Variants in RECQL4 observed in about 807,000 individuals in gnomAD.
The protein encoded by RECQL4 is ATP-dependent DNA helicase Q4.
In RECQL4, 158 loss-of-function variants were observed where a neutral mutation model predicts 128.6. The observed-to-expected ratio is 1.23, with a 90% CI of 1.08 to 1.40. The LOEUF (loss-of-function observed/expected upper bound fraction) is 1.40. RECQL4 is among the 40% of genes most tolerant of loss of function. The pLI is 0.00. For missense variants in RECQL4, 2,293 were observed against 1,649.8 expected, an observed-to-expected ratio of 1.39 and a Z score of -6.75; for synonymous variants, 996 against 678.9, an observed-to-expected ratio of 1.47 and a Z score of -7.26.
At position 144,511,753 on chromosome 8, in the gene RECQL4, G is replaced by A. The variant is rs202134651; in HGVS notation, c.3430C>T (p.Arg1144Cys). The stretch of plus-strand genomic sequence containing the variant: ...TCTGGCCTCAGGGACAGGAACTGGC[G>A]GATGTCGCAGCGGACCTGGTCCTCC... ...DWEDQVRCDI[R>C]QFLSLRPEEK... Residue 1144 changes from arginine (R) to cysteine (C), a missense_variant, in exon 20 of 21, where the codon CGC becomes TGC. Physicochemically the swap from Arg to Cys is radical, Grantham distance 180 (BLOSUM62 -3). Transcript: ENST00000617875. 271 of 1,612,468 alleles carry A rather than the reference G, an allele frequency of 1.7e-4. 1 individual carries two copies. Among genetic ancestry groups the A allele is most frequent in the Non-Finnish European group, 1.9e-4 (223 of 1,179,840 alleles).
intron 7 of RECQL4, 39 bp from the exon 8 acceptor site, chr8:144,515,281 C>T (rs756566987): frequency 6.2e-7 from 1 of 1,610,012 alleles, no homozygotes; most frequent in Non-Finnish European, 8.5e-7. Context: ...CTTGAGTCAC[C>T]CCAACCCCTC....
rs376242705 is a variant in RECQL4 at position 144,515,083 on chromosome 8, C to T, written c.1484-11G>A. The T allele has an allele frequency of 2.5e-5, 40 of 1,599,672 alleles. No homozygotes were observed. The highest frequency in any genetic ancestry group is 1.7e-4 in the Middle Eastern group (1 of 6,008). On this transcript the variant is annotated splice_polypyrimidine_tract_variant and intron_variant, in intron 8 of 20. Coordinates refer to ENST00000617875, the MANE Select transcript of RECQL4 (RefSeq NM_004260.4). ...GCAGCGTGGAGATGCCTGGATGGGG[C>T]GGGAGTCAGCAGCAGGGTTCTGCAG...
chr8:144,515,046 T>C lies in RECQL4; in HGVS notation c.1510A>G (p.Thr504Ala), dbSNP rs2130704188. 2 of 1,609,626 alleles carry C rather than the reference T, an allele frequency of 1.2e-6. No homozygotes were observed. Among genetic ancestry groups the C allele is most frequent in the East Asian group, 2.2e-5 (1 of 44,774 alleles). ...TAGCACAGGGACTTGCCGGCACCTG[T>C]AGGCAGCACCAGCAGCGTGGAGATG... ...SGISTLLVLP[T>A]GAGKSLCYQL... is the part of the protein sequence containing the mutation. Residue 504 changes from threonine (T) to alanine (A), a missense_variant, in exon 9 of 21, where the codon ACA becomes GCA. By Grantham distance (58) the Thr-to-Ala change is moderately conservative. Coordinates refer to ENST00000617875, the MANE Select transcript of RECQL4 (RefSeq NM_004260.4).
rs754822264 is a variant in RECQL4 at position 144,511,440 on chromosome 8, C to T, written c.3618G>A (p.Val1206=). 3 of 1,612,310 alleles carry T rather than the reference C, an allele frequency of 1.9e-6. No homozygotes were observed. Among genetic ancestry groups the T allele is most frequent in the Non-Finnish European group, 2.5e-6 (3 of 1,179,660 alleles). The change falls in exon 21 of 21, where the codon GTG becomes GTA. Residue 1206 remains valine, a synonymous_variant. Coordinates refer to ENST00000617875, the MANE Select transcript of RECQL4 (RefSeq NM_004260.4). ...CCCCAATGCAGTGCAGTCAGCGGGCCACCTGCAGGAGCTCTTCCGTGGCCA... is the reference window on the plus strand; with the variant it reads ...CCCCAATGCAGTGCAGTCAGCGGGCTACCTGCAGGAGCTCTTCCGTGGCCA... ...VGLATEELLQ[V]AR
At chr8:144,516,994 C>A in intron 4 of RECQL4, 56 bp downstream of exon 4, 1 of 1,566,752 alleles carries the variant, frequency 6.4e-7, no homozygotes, top group African/African-American at 1.4e-5. Flanking sequence ...AGAGGGCGAC[C>A]CGGACCGGAA....
intron 8 of RECQL4, 37 bp from the exon 9 acceptor site, chr8:144,515,109 C>A (rs757031573): frequency 9.5e-6 from 15 of 1,583,546 alleles, no homozygotes; most frequent in Non-Finnish European, 1.3e-5. Context: ...GGTTCTGCAG[C>A]CTGGCCTCAG....
rs1484366007 is a variant in RECQL4 at position 144,513,978 on chromosome 8, C to T, written c.2008G>A (p.Val670Ile). 1.2e-5 allele frequency: 18 copies of T among 1,564,600 alleles called. No homozygotes were observed. Among genetic ancestry groups the T allele is most frequent in the Admixed American group, 1.9e-5 (1 of 53,460 alleles). ...EEPDLHGPAP[V>I]PTNLHLSVSM... is the part of the protein sequence containing the mutation. ...ACGGAAAGGTGCAGGTTGGTGGGAA[C>T]TGGGGCTGGCCCGTGGAGGTCAGGC... Residue 670 changes from valine (V) to isoleucine (I), a missense_variant, in exon 12 of 21, where the codon GTT becomes ATT. By Grantham distance (29) the Val-to-Ile change is conservative. Coordinates refer to ENST00000617875, the MANE Select transcript of RECQL4 (RefSeq NM_004260.4).
In RECQL4 at chr8:144,513,082, C is replaced by T; in HGVS notation, c.2520G>A (p.Leu840=). 1.3e-6 allele frequency: 2 copies of T among 1,577,270 alleles called. No homozygotes were observed. The highest frequency in any genetic ancestry group is 8.6e-7 in the Non-Finnish European group (1 of 1,159,616). The part of the protein sequence containing the change: ...RHVHADSTDF[L]AVKRLVQRVF... ...CGCGCTGTACCAGCCTCTTCACAGC[C>T]AGGAAGTCCGTGCTGTCGGCGTGCA... Residue 840 remains leucine, a synonymous_variant, in exon 15 of 21, where the codon CTG becomes CTA. Coordinates refer to ENST00000617875, the MANE Select transcript of RECQL4 (RefSeq NM_004260.4).
chr8:144,511,322 T>C lies in RECQL4; in HGVS notation c.*109A>G. On this transcript the variant is annotated 3_prime_UTR_variant, in exon 21 of 21. Coordinates refer to ENST00000617875, the MANE Select transcript of RECQL4 (RefSeq NM_004260.4). The stretch of plus-strand genomic sequence containing the variant: ...AGTGAGCATTTTTTATTCTGCATTT[T>C]GGAGCCTCCTCGTTCCCACACCCTG... 2 of 1,560,222 alleles carry C rather than the reference T, an allele frequency of 1.3e-6. No homozygotes were observed. Among genetic ancestry groups the C allele is most frequent in the East Asian group, 2.3e-5 (1 of 44,188 alleles).
Position 144,511,900 on chromosome 8 carries a change from A to C in RECQL4, c.3393+11T>G. The C allele has an allele frequency of 6.2e-7, 1 of 1,610,458 alleles. No individual in the cohort carries two copies. Among genetic ancestry groups the C allele is most frequent in the Non-Finnish European group, 8.5e-7 (1 of 1,179,600 alleles). On this transcript the variant is annotated intron_variant, in intron 19 of 20. Transcript: ENST00000617875. ...CAACCCCGATGAGCTGCCTGGCCTT[A>C]CTGCACTCACTCTGGCCTGCCCTGG...
chr8:144,514,816 C>A, intron 9 of RECQL4, 120 bp downstream of exon 9: 1 of 1,286,212 alleles, frequency 7.8e-7, no homozygotes, highest in Non-Finnish European at 1.1e-6. Context: ...GGACTGAGGC[C>A]ACAGACACCT....
In RECQL4 at chr8:144,515,997, G is replaced by A. The variant is rs1169953082; in HGVS notation, c.1122C>T (p.Leu374=). ...CCCGTCGCTGTCTTACCTGCTTGCG[G>A]AGGAGCCTGCTACGGAGTGCCCGGC... ...VRGRALRSRL[L]RKQAWKQKWR... is the part of the protein sequence containing the mutation. Residue 374 remains leucine, a synonymous_variant, in exon 5 of 21, where the codon CTC becomes CTT. Coordinates refer to ENST00000617875, the MANE Select transcript of RECQL4 (RefSeq NM_004260.4). 3 of 1,609,388 alleles carry A rather than the reference G, an allele frequency of 1.9e-6. No individual in the cohort carries two copies. The highest frequency in any genetic ancestry group is 2.5e-6 in the Non-Finnish European group (3 of 1,177,170).
rs1291744875 is a variant in RECQL4 at position 144,517,731 on chromosome 8, G to A, written c.54C>T (p.Phe18=). 7.4e-7 allele frequency: 1 copy of A among 1,351,706 alleles called. No homozygotes were observed. The highest frequency in any genetic ancestry group is 9.5e-7 in the Non-Finnish European group (1 of 1,050,954). 83.7% of individuals were successfully genotyped at this position (1,351,706 alleles called of 1,614,324 possible). A position where few individuals can be genotyped will look rare whatever the true frequency, so the allele number is the denominator to read the frequency against. Residue 18 remains phenylalanine, a synonymous_variant, in exon 1 of 21, where the codon TTC becomes TTT. Transcript: ENST00000617875. ...TCGGTCGCCGCCCGCGCTGCCGTCG[G>A]AACGCGCGCTCCCACGCCTGCAGCC... ...RERLQAWERA[F]RRQRGRRPSQ...
Position 144,514,494 on chromosome 8 carries a change from G to C in RECQL4, c.1652C>G (p.Ala551Gly), listed in dbSNP as rs587778643. 6.2e-7 allele frequency: 1 copy of C among 1,612,170 alleles called. No individual in the cohort carries two copies. The highest frequency in any genetic ancestry group is 8.5e-7 in the Non-Finnish European group (1 of 1,179,588). Residue 551 changes from alanine to glycine, a missense_variant, in exon 10 of 21, where the codon GCC becomes GGC. Physicochemically the swap from Ala to Gly is moderately conservative, Grantham distance 60. Transcript: ENST00000617875. ...CCTGGTCATGCCCGAGTGTATGCAGGCCGCCTTGAGACACGGTGGCAGGCC... is the reference window on the plus strand; with the variant it reads ...CCTGGTCATGCCCGAGTGTATGCAGCCCGCCTTGAGACACGGTGGCAGGCC... ...VSGLPPCLKA[A>G]CIHSGMTRKQ... is the part of the protein sequence containing the mutation.
chr8:144,514,992 G>A lies in RECQL4; in HGVS notation c.1564C>T (p.Arg522Cys), dbSNP rs35407712. The A allele has an allele frequency of 4.0e-3, 6,484 of 1,611,370 alleles. 333 individuals carry two copies. The Admixed American group carries it at 0.1, about 25-fold the overall frequency. ...YQLPALLYSR[R>C]SPCLTLVVSP... ...ACGACCAACGTGAGGCAGGGGCTGCGCCGGCTGTAGAGCAGCGCTGGGAGC... is the reference window on the plus strand; with the variant it reads ...ACGACCAACGTGAGGCAGGGGCTGCACCGGCTGTAGAGCAGCGCTGGGAGC... The change falls in exon 9 of 21, where the codon CGC becomes TGC. Residue 522 changes from arginine to cysteine, a missense_variant. Arg to Cys is a radical substitution (Grantham distance 180, BLOSUM62 -3). Coordinates refer to ENST00000617875, the MANE Select transcript of RECQL4 (RefSeq NM_004260.4).
At chr8:144,511,639 C>G in intron 20 of RECQL4, 42 bp downstream of exon 20, 1 of 1,608,178 alleles carries the variant, frequency 6.2e-7, no homozygotes. Flanking sequence ...TGCCCCAGCC[C>G]CCAGCCCCAG....
rs758586322 is a variant in RECQL4, at chr8:144,515,137, C to A, written c.1483+13G>T. ...GGCCTCAGCCCAGCCTCAGCCCTGG[C>A]AGCCACGCTCACCAGACAGGATCCG... On this transcript the variant is annotated intron_variant, in intron 8 of 20. Transcript: ENST00000617875. 3.2e-6 allele frequency: 5 copies of A among 1,567,242 alleles called. No individual in the cohort carries two copies. In the South Asian group the frequency reaches 5.8e-5, roughly 18 times the overall value.
chr8:144,511,303 C>A lies in RECQL4; in HGVS notation c.*128G>T. ...AGAGGGCCCATAAAAACAAAGTGAG[C>A]ATTTTTTATTCTGCATTTTGGAGCC... is the stretch of plus-strand genomic sequence containing the variant. On this transcript the variant is annotated 3_prime_UTR_variant, in exon 21 of 21. Coordinates refer to ENST00000617875, the MANE Select transcript of RECQL4 (RefSeq NM_004260.4). 6.5e-7 allele frequency: 1 copy of A among 1,543,204 alleles called. No individual in the cohort carries two copies. The highest frequency in any genetic ancestry group is 8.8e-7 in the Non-Finnish European group (1 of 1,142,320).
rs1815457793 is a variant in RECQL4 at position 144,517,797 on chromosome 8, C to T, written c.-13G>A. 2.5e-6 allele frequency: 3 copies of T among 1,212,632 alleles called. No individual in the cohort carries two copies. The highest frequency in any genetic ancestry group is 3.2e-5 in the South Asian group (1 of 31,736). 75.1% of individuals were successfully genotyped at this position (1,212,632 alleles called of 1,614,324 possible). A position where few individuals can be genotyped will look rare whatever the true frequency, so the allele number is the denominator to read the frequency against. ...GCAGCCGCTCCATGGCGCGCGCGCC[C>T]GCCCGGCCTCCGCGCTTGCGATCGT... On this transcript the variant is annotated 5_prime_UTR_variant, in exon 1 of 21. Transcript: ENST00000617875.
Sources: gnomAD v4.1 joint callset for allele counts on GRCh38, gnomAD v4.1.1 for gene constraint, MANE v1.5 for transcripts, NCBI Gene and HGNC (gene_info 2026-07-23, HGNC 2026-07-21) for gene names.